ACOX3: variants seen among roughly 807,000 people sequenced by gnomAD.
ACOX3 encodes acyl-CoA oxidase 3, pristanoyl.
In ACOX3, 73 loss-of-function variants were observed where a neutral mutation model predicts 81.5. The observed-to-expected ratio is 0.90, with a 90% CI of 0.74 to 1.09. The LOEUF (loss-of-function observed/expected upper bound fraction) is 1.09. ACOX3 is among the 50% of genes least tolerant of loss of function. The pLI, the probability that ACOX3 is intolerant of heterozygous loss-of-function variation, is 0.00. For missense variants in ACOX3, 947 were observed against 928.0 expected (o/e 1.02, Z -0.27); for synonymous variants, 387 against 375.1 (o/e 1.03, Z -0.37).
chr4:8,397,047 T>C lies in ACOX3; in HGVS notation c.946A>G (p.Ile316Val), dbSNP rs373255931. Residue 316 changes from isoleucine (I) to valine (V), a missense_variant, in exon 9 of 18, where the codon ATC (isoleucine) becomes GTC (valine). Physicochemically the swap from Ile to Val is conservative, Grantham distance 29 (BLOSUM62 3). Transcript: ENST00000356406. ...GCCACGGCCAGCTTTAGGTTAAGGA[T>C]GGCCAGGCTCACGATGGAGACCCGG... ...SGRVSIVSLA[I>V]LNLKLAVAIA... The C allele has an allele frequency of 1.2e-5, 19 of 1,608,704 alleles. No homozygotes were observed. The highest frequency in any genetic ancestry group is 1.5e-5 in the Non-Finnish European group (18 of 1,177,664).
rs111475240 is a variant in ACOX3 at position 8,381,381 on chromosome 4, A to G, written c.1653+111T>C. The G allele has an allele frequency of 1.1e-6, 1 of 899,604 alleles. No individual in the cohort carries two copies. The highest frequency in any genetic ancestry group is 2.0e-5 in the Admixed American group (1 of 49,772). 55.7% of individuals were successfully genotyped at this position (899,604 alleles called of 1,614,324 possible). ...CAAGTCATCTGCCCAAGGTCACGGGAGCTCGGGGTCTGGGGCCTGAATTGC... is the reference window on the plus strand; with the variant it reads ...CAAGTCATCTGCCCAAGGTCACGGGGGCTCGGGGTCTGGGGCCTGAATTGC... On this transcript the variant is annotated intron_variant, in intron 14 of 17. Transcript: ENST00000356406. The surrounding 1 kb of genome is among the most constrained non-coding windows in gnomAD (Gnocchi z 4.3).
intron 5 of ACOX3, among the ~76,000 whole-genome samples, chr4:8,413,933 C>A (rs972177979): frequency 2.0e-5 from 3 of 152,218 alleles, no homozygotes; most frequent in Non-Finnish European, 4.4e-5. Flanking sequence ...TGGGGCCCAC[C>A]GTAGAAACCA....
At chr4:8,360,367 T>C in the ACOX3 span, among the ~76,000 whole-genome samples, 8 of 152,324 alleles carry the variant, frequency 5.3e-5, no homozygotes, top group Non-Finnish European at 8.8e-5. Context: ...TTAAAGATTA[T>C]TGGCAAAATA....
chr4:8,435,814 C>T (rs559213534), intron 1 of ACOX3, among the ~76,000 whole-genome samples: 15 of 152,252 alleles, frequency 9.9e-5, no homozygotes, highest in Admixed American at 9.2e-4. Flanking sequence ...CAGGAGCCGC[C>T]AGAGATAACA....
chr4:8,373,316 C>A (rs532145838), intron 16 of ACOX3, among the ~76,000 whole-genome samples: 1 of 151,954 alleles, frequency 6.6e-6, no homozygotes, highest in African/African-American at 2.4e-5. Context: ...GTTGCAAAGG[C>A]GGTGTGTGTC....
chr4:8,414,764 AC>A lies in ACOX3; in HGVS notation c.453+89del, dbSNP rs2108977989. On this transcript the variant is annotated intron_variant, in intron 4 of 17. Transcript: ENST00000356406. The surrounding 1 kb of genome is among the most constrained non-coding windows in gnomAD (Gnocchi z 6.1). ...CAAGAAGAGCATAAGCCCCCTGGGC[AC>A]CCCCTTCTACAATCTTCTCTTTTCA... 5 of 1,317,842 alleles carry A rather than the reference AC, an allele frequency of 3.8e-6. No homozygotes were observed. The highest frequency in any genetic ancestry group is 3.6e-5 in the South Asian group (3 of 84,094). The allele number at this position is 1,317,842 out of a possible 1,614,324, so 81.6% of individuals were successfully genotyped here.
At chr4:8,421,507 A>C (rs995581125) in intron 1 of ACOX3, among the ~76,000 whole-genome samples, 1 of 152,108 alleles carries the variant, frequency 6.6e-6, no homozygotes, top group Non-Finnish European at 1.5e-5. Context: ...GTGCACCCCT[A>C]TCTCTCCTTC....
Position 8,399,491 on chromosome 4 carries a change from A to G in ACOX3, c.873+65T>C, listed in dbSNP as rs1453123886. 7.2e-7 allele frequency: 1 copy of G among 1,387,284 alleles called. No individual in the cohort carries two copies. The highest frequency in any genetic ancestry group is 1.0e-6 in the Non-Finnish European group (1 of 979,020). 85.9% of individuals were successfully genotyped at this position (1,387,284 alleles called of 1,614,324 possible). The stretch of plus-strand genomic sequence containing the variant: ...TTTCCAGGTGCAGGGAGGAGCACAG[A>G]GCCAGGCCCTGCAGAGGAAGGCACC... On this transcript the variant is annotated intron_variant, in intron 8 of 17. Transcript: ENST00000356406. The surrounding 1 kb of genome is among the most constrained non-coding windows in gnomAD (Gnocchi z 4.9).
At chr4:8,375,840 C>T (rs1716901677) in intron 14 of ACOX3, among the ~76,000 whole-genome samples, 1 of 152,234 alleles carries the variant, frequency 6.6e-6, no homozygotes, top group African/African-American at 2.4e-5. Flanking sequence ...CTGCAAAAGA[C>T]ATGACTGTTC....
rs1722674041 is a variant in ACOX3 at position 8,419,279 on chromosome 4, CA to C, written c.-14-2745del. Reference sequence around the variant, plus strand: ...TGAAACCTCATCTCTACTAAAAATACAAAAAAATTAGCCGGGCATGGTGGCA... The same window carrying C: ...TGAAACCTCATCTCTACTAAAAATACAAAAAATTAGCCGGGCATGGTGGCA... On this transcript the variant is annotated intron_variant, in intron 1 of 17. Coordinates refer to ENST00000356406, the MANE Select transcript of ACOX3 (RefSeq NM_003501.3). This position sits in a 1 kb window ranked among gnomAD's most constrained non-coding sequence, Gnocchi z 4.2. Among the ~76,000 whole-genome samples, 2 of 150,770 alleles carry C rather than the reference CA, an allele frequency of 1.3e-5. No homozygotes were observed. The highest frequency in any genetic ancestry group is 4.9e-5 in the African/African-American group (2 of 40,986).
Position 8,394,778 on chromosome 4 carries a change from G to A in ACOX3, c.1057-36C>T. The stretch of plus-strand genomic sequence containing the variant: ...CAAGACACCTGCGTGAACACATCGT[G>A]GTTCCCATGAAGGGCAGCCCATCCC... On this transcript the variant is annotated intron_variant, in intron 9 of 17. Coordinates refer to ENST00000356406, the MANE Select transcript of ACOX3 (RefSeq NM_003501.3). This position sits in a 1 kb window ranked among gnomAD's most constrained non-coding sequence, Gnocchi z 5.9. 6.3e-7 allele frequency: 1 copy of A among 1,596,760 alleles called. No homozygotes were observed. The highest frequency in any genetic ancestry group is 8.6e-7 in the Non-Finnish European group (1 of 1,168,872).
chr4:8,373,806 G>A lies in ACOX3; in HGVS notation c.1829-178C>T, dbSNP rs1365258127. The A allele has an allele frequency of 3.7e-5, 23 of 624,636 alleles. No homozygotes were observed. In the East Asian group the frequency reaches 6.3e-4, roughly 17 times the overall value. The allele number at this position is 624,636 out of a possible 1,614,324, so 38.7% of individuals were successfully genotyped here. A position where few individuals can be genotyped will look rare whatever the true frequency, so the allele number is the denominator to read the frequency against. On this transcript the variant is annotated intron_variant, in intron 15 of 17. Transcript: ENST00000356406. ...GACCCAAGGAATGTGCTGCTCAGGG[G>A]CCGAGTTCTGAGACCCTTTTCCCAC...
rs905746527 is a variant in ACOX3 at position 8,394,741 on chromosome 4, T to A, written c.1058A>T (p.Gln353Leu). 3 of 1,612,888 alleles carry A rather than the reference T, an allele frequency of 1.9e-6. No homozygotes were observed. The highest frequency in any genetic ancestry group is 2.5e-6 in the Non-Finnish European group (3 of 1,179,496). Reference sequence around the variant, plus strand: ...TGCCAGATATGGAAGCAAGCGCCATTGCTAGAACAGACAAGACACCTGCGT... The same window carrying A: ...TGCCAGATATGGAAGCAAGCGCCATAGCTAGAACAGACAAGACACCTGCGT... ...EIPVLEYPMQ[Q>L]WRLLPYLAAV... Residue 353 changes from glutamine (Q) to leucine (L), a missense_variant and splice_region_variant, in exon 10 of 18, where the codon CAA becomes CTA. By Grantham distance (113) the Gln-to-Leu change is moderately radical. Transcript: ENST00000356406. The surrounding 1 kb of genome is among the most constrained non-coding windows in gnomAD (Gnocchi z 5.9).
At chr4:8,380,742 C>A (rs962319378) in intron 14 of ACOX3, among the ~76,000 whole-genome samples, 4 of 152,334 alleles carry the variant, frequency 2.6e-5, no homozygotes. Flanking sequence ...GACAGCAGCT[C>A]TCTCCGTATC....
chr4:8,377,797 T>G (rs1184744623), intron 14 of ACOX3, among the ~76,000 whole-genome samples: 2 of 152,180 alleles, frequency 1.3e-5, no homozygotes, highest in African/African-American at 4.8e-5. Context: ...CGGTATGGAC[T>G]CTGGCGACCC....
At chr4:8,373,460 A>G in intron 16 of ACOX3, 101 bp downstream of exon 16, 1 of 1,263,098 alleles carries the variant, frequency 7.9e-7, no homozygotes. Context: ...GGGTGATACT[A>G]AGGCGGTGCG....
At chr4:8,411,385 C>T (rs978471189) in intron 5 of ACOX3, among the ~76,000 whole-genome samples, 2 of 152,186 alleles carry the variant, frequency 1.3e-5, no homozygotes, top group Non-Finnish European at 2.9e-5. Context: ...GAGTAGTGAA[C>T]AATCATCCTA....
At chr4:8,404,243 G>A (rs561038977) in intron 7 of ACOX3, among the ~76,000 whole-genome samples, 1 of 152,174 alleles carries the variant, frequency 6.6e-6, no homozygotes, top group African/African-American at 2.4e-5. Context: ...CATGCCAAGC[G>A]CCTCCCAGGC....
intron 14 of ACOX3, among the ~76,000 whole-genome samples, chr4:8,376,122 G>T (rs574568624): frequency 6.6e-6 from 1 of 152,222 alleles, no homozygotes; most frequent in East Asian, 1.9e-4. Flanking sequence ...ACGAATCTGC[G>T]TTCCCACCAA....
Sources: allele counts gnomAD v4.1 joint callset (sites outside exome capture counted in the v4.1 genomes callset), GRCh38; gene constraint gnomAD v4.1.1; non-coding constraint Gnocchi (gnomAD v3.1); transcripts MANE v1.5; gene names NCBI Gene and HGNC (gene_info 2026-07-23, HGNC 2026-07-21).